Variants in DIP2C observed in about 807,000 individuals in gnomAD.
DIP2C encodes the protein disco-interacting protein 2 homolog C.
A neutral mutation model predicts 192.4 loss-of-function variants in DIP2C; 33 were observed. The observed-to-expected ratio is 0.17, with a 90% confidence interval of 0.13 to 0.23. The LOEUF is 0.23. DIP2C is among the 10% of genes least tolerant of loss of function. DIP2C has a pLI of 1.00. For missense variants in DIP2C, 1,537 were observed against 2,110.1 expected (o/e 0.73, Z 5.32); for synonymous variants, 979 against 864.1 (o/e 1.13, Z -2.33).
intron 1 of DIP2C, chr10:667,384 C>T (rs1207110785): frequency 2.0e-5 from 3 of 152,238 alleles, no homozygotes; most frequent in Non-Finnish European, 2.9e-5. Context: ...CTAGGCTACT[C>T]GGGAGGACGC....
At chr10:329,843 A>G (rs536565840) in intron 29 of DIP2C, among the ~76,000 whole-genome samples, 3 of 152,312 alleles carry the variant, frequency 2.0e-5, no homozygotes, top group East Asian at 3.9e-4. Flanking sequence ...TTGAACACAC[A>G]TTTAAGACTA....
chr10:624,932 C>G (rs1298267241), intron 1 of DIP2C, among the ~76,000 whole-genome samples: 1 of 152,164 alleles, frequency 6.6e-6, no homozygotes, highest in Non-Finnish European at 1.5e-5. Context: ...ACGAGGGAGG[C>G]GCTCGGTGCC....
At chr10:542,794 C>A (rs1469039432) in intron 1 of DIP2C, among the ~76,000 whole-genome samples, 2 of 149,762 alleles carry the variant, frequency 1.3e-5, no homozygotes, top group African/African-American at 2.5e-5. Context: ...GTCACCAGAT[C>A]CCAGTTCTTA....
intron 1 of DIP2C, among the ~76,000 whole-genome samples, chr10:605,924 T>C (rs1027762293): frequency 6.6e-6 from 1 of 152,114 alleles, no homozygotes; most frequent in Non-Finnish European, 1.5e-5. Context: ...GGCCGTGCCA[T>C]TTCCACATAT....
At chr10:542,051 G>A (rs972178655) in intron 1 of DIP2C, among the ~76,000 whole-genome samples, 7 of 152,116 alleles carry the variant, frequency 4.6e-5, no homozygotes, top group South Asian at 2.1e-4. Flanking sequence ...TGCGGGAGCC[G>A]GCACCCACCC....
chr10:307,582 T>A (rs188830940), intron 32 of DIP2C, among the ~76,000 whole-genome samples: 1 of 151,822 alleles, frequency 6.6e-6, no homozygotes, highest in East Asian at 1.9e-4. Flanking sequence ...CCGCTGAGAT[T>A]CTCTGCAGTG....
intron 26 of DIP2C, among the ~76,000 whole-genome samples, chr10:348,250 C>T (rs976790274): frequency 1.3e-5 from 2 of 152,210 alleles, no homozygotes; most frequent in Admixed American, 6.5e-5. Flanking sequence ...GAAAACAGAT[C>T]TATACTTTCA....
At chr10:543,360 T>C (rs765542936) in intron 1 of DIP2C, among the ~76,000 whole-genome samples, 14 of 152,194 alleles carry the variant, frequency 9.2e-5, no homozygotes, top group Non-Finnish European at 1.8e-4. Flanking sequence ...GTAACCCTGT[T>C]AGGAGCTGTG....
intron 1 of DIP2C, chr10:664,333 G>A (rs1856958592): frequency 6.6e-6 from 1 of 152,214 alleles, no homozygotes; most frequent in South Asian, 2.1e-4. Flanking sequence ...AAGAAGGAAT[G>A]GTTTGGGGAG....
chr10:405,335 GAAAATTTC>G (rs1964725870), intron 9 of DIP2C, among the ~76,000 whole-genome samples: 1 of 152,196 alleles, frequency 6.6e-6, no homozygotes, highest in African/African-American at 2.4e-5. Context: ...AGTTAATGCT[GAAAATTTC>G]ATATTATAGA....
chr10:520,350 C>T (rs950726671), intron 1 of DIP2C, among the ~76,000 whole-genome samples: 1 of 152,124 alleles, frequency 6.6e-6, no homozygotes, highest in Non-Finnish European at 1.5e-5. Flanking sequence ...AAGACGTGTG[C>T]GTTACCTGCA....
chr10:539,710 C>G (rs936112237), intron 1 of DIP2C, among the ~76,000 whole-genome samples: 9 of 152,212 alleles, frequency 5.9e-5, no homozygotes, highest in Non-Finnish European at 1.2e-4. Context: ...ACTGATCTAA[C>G]TAGTCATTCC....
At chr10:584,283 A>G (rs985678703) in intron 1 of DIP2C, among the ~76,000 whole-genome samples, 1 of 152,246 alleles carries the variant, frequency 6.6e-6, no homozygotes, top group Non-Finnish European at 1.5e-5. Flanking sequence ...ACCAGCCATC[A>G]TGTCCTGTTG....
intron 4 of DIP2C, among the ~76,000 whole-genome samples, chr10:431,136 A>G (rs901525173): frequency 3.9e-5 from 6 of 152,198 alleles, no homozygotes; most frequent in Non-Finnish European, 8.8e-5. Flanking sequence ...TTGAAGTTGC[A>G]TAGTGTCAGT....
chr10:553,698 G>T (rs550277676), intron 1 of DIP2C, among the ~76,000 whole-genome samples: 1 of 152,294 alleles, frequency 6.6e-6, no homozygotes, highest in South Asian at 2.1e-4. Flanking sequence ...TGGCGAACAA[G>T]CAAGAAATAT....
At chr10:375,886 T>C (rs547362754) in intron 17 of DIP2C, among the ~76,000 whole-genome samples, 6 of 152,028 alleles carry the variant, frequency 3.9e-5, no homozygotes, top group South Asian at 2.1e-4. Context: ...TTTTTTATCT[T>C]ATACGGGCGA....
At chr10:422,599 G>T (rs947091691) in intron 5 of DIP2C, among the ~76,000 whole-genome samples, 1 of 152,210 alleles carries the variant, frequency 6.6e-6, no homozygotes, top group Non-Finnish European at 1.5e-5. Flanking sequence ...ACGGCTGCAG[G>T]ATTCCCCAGG....
chr10:452,236 C>T (rs950354872), intron 3 of DIP2C, among the ~76,000 whole-genome samples: 1 of 152,178 alleles, frequency 6.6e-6, no homozygotes, highest in East Asian at 1.9e-4. Flanking sequence ...GGCACAGTGA[C>T]ACTTCAAAAC....
At chr10:671,900 G>A (rs1288493833) in intron 1 of DIP2C, among the ~76,000 whole-genome samples, 6 of 142,534 alleles carry the variant, frequency 4.2e-5, no homozygotes, top group African/African-American at 1.6e-4. Context: ...CACACGGACG[G>A]AGGAAAAGCC....
Sources: allele counts gnomAD v4.1 joint callset (sites outside exome capture counted in the v4.1 genomes callset), GRCh38; gene constraint gnomAD v4.1.1; transcripts MANE v1.5; gene names NCBI Gene and HGNC (gene_info 2026-07-23, HGNC 2026-07-21).